KHDRBS3: variants seen among roughly 807,000 people sequenced by gnomAD.
KHDRBS3 encodes the protein KH RNA binding domain containing, signal transduction associated 3, also known as KH domain-containing, RNA-binding, signal transduction-associated protein 3.
In KHDRBS3, 23 loss-of-function variants were observed where a neutral mutation model predicts 45.6. That is an observed-to-expected ratio of 0.50 (90% confidence interval 0.36 to 0.72). The LOEUF (loss-of-function observed/expected upper bound fraction) is 0.72, where lower values mean the gene tolerates loss of function less well. KHDRBS3 is among the 30% of genes least tolerant of loss of function. The pLI is 0.00. For missense variants in KHDRBS3, 352 were observed against 424.8 expected (o/e 0.83, Z 1.51); for synonymous variants, 162 against 156.5 (o/e 1.04, Z -0.26).
chr8:135,628,770 T>A (rs1023189722), intron 7 of KHDRBS3, among the ~76,000 whole-genome samples: 5 of 152,200 alleles, frequency 3.3e-5, no homozygotes, highest in Non-Finnish European at 5.9e-5. Context: ...TCTGTCTTCC[T>A]GAGTTTTCTT....
At chr8:135,577,723 T>C (rs551619340) in intron 5 of KHDRBS3, among the ~76,000 whole-genome samples, 129 of 152,300 alleles carry the variant, frequency 8.5e-4, no homozygotes, top group African/African-American at 2.9e-3. Flanking sequence ...AGTTTTTATG[T>C]AGGCATACAT....
At chr8:135,542,536 C>G (rs1376505333) in intron 2 of KHDRBS3, 118 bp from the exon 3 acceptor site, 2 of 673,052 alleles carry the variant, frequency 3.0e-6, no homozygotes, top group South Asian at 1.9e-5. Flanking sequence ...GTAGCAGGAG[C>G]TTAAATATTT....
intron 7 of KHDRBS3, among the ~76,000 whole-genome samples, chr8:135,619,482 G>A (rs562491964): frequency 2.6e-5 from 4 of 152,070 alleles, no homozygotes; most frequent in Non-Finnish European, 1.5e-5. Flanking sequence ...CTCAATTAAG[G>A]CTGCATAAAG....
chr8:135,617,659 G>A (rs942359806), intron 7 of KHDRBS3, among the ~76,000 whole-genome samples: 3 of 152,176 alleles, frequency 2.0e-5, no homozygotes, highest in African/African-American at 7.2e-5. Context: ...CTCATGGAGA[G>A]TGAGTGCTAG....
At chr8:135,564,320 T>C (rs180997769) in intron 5 of KHDRBS3, among the ~76,000 whole-genome samples, 41 of 152,334 alleles carry the variant, frequency 2.7e-4, no homozygotes, top group Non-Finnish European at 1.5e-5. Flanking sequence ...TCTGATCCCA[T>C]GGTTTGAGAA....
intron 1 of KHDRBS3, among the ~76,000 whole-genome samples, chr8:135,473,002 C>T (rs1563702494): frequency 6.6e-6 from 1 of 150,906 alleles, no homozygotes; most frequent in African/African-American, 2.4e-5. Flanking sequence ...TTACTGAATT[C>T]TGTAAATTAC....
intron 7 of KHDRBS3, among the ~76,000 whole-genome samples, chr8:135,644,101 G>A (rs1045496401): frequency 6.6e-6 from 1 of 152,168 alleles, no homozygotes; most frequent in African/African-American, 2.4e-5. Flanking sequence ...GCCTGAGAGG[G>A]TACATGGAAA....
chr8:135,603,178 G>A (rs77882783), intron 6 of KHDRBS3, among the ~76,000 whole-genome samples: 8,710 of 152,218 alleles, frequency 0.057, 320 homozygotes, highest in African/African-American at 0.1. Context: ...AATTATAGTT[G>A]TCTCTTTAGT....
At chr8:135,546,877 CTG>C (rs1826331264) in intron 3 of KHDRBS3, among the ~76,000 whole-genome samples, 1 of 152,148 alleles carries the variant, frequency 6.6e-6, no homozygotes, top group South Asian at 2.1e-4. Context: ...ACTCCCCTCT[CTG>C]TGGGATTGTA....
chr8:135,575,894 TC>T (rs1482963678), intron 5 of KHDRBS3, among the ~76,000 whole-genome samples: 2 of 152,220 alleles, frequency 1.3e-5, no homozygotes. Flanking sequence ...TTACCTAGTG[TC>T]CTTTTTCTGT....
chr8:135,479,698 A>T (rs1822467874), intron 1 of KHDRBS3, among the ~76,000 whole-genome samples: 1 of 152,212 alleles, frequency 6.6e-6, no homozygotes, highest in East Asian at 1.9e-4. Context: ...TTCTGACTTA[A>T]TCACCTCTGA....
At chr8:135,604,726 T>C (rs1319405766) in intron 6 of KHDRBS3, among the ~76,000 whole-genome samples, 2 of 151,962 alleles carry the variant, frequency 1.3e-5, no homozygotes, top group Non-Finnish European at 2.9e-5. Context: ...TAATTATTTC[T>C]TTGTGTATTT....
At chr8:135,644,288 C>T (rs749032443) in intron 7 of KHDRBS3, among the ~76,000 whole-genome samples, 1 of 152,132 alleles carries the variant, frequency 6.6e-6, no homozygotes, top group Non-Finnish European at 1.5e-5. Context: ...GCTCTTTCCT[C>T]GTGCTCTCTC....
At chr8:135,531,443 C>A (rs925727618) in intron 2 of KHDRBS3, among the ~76,000 whole-genome samples, 2 of 151,726 alleles carry the variant, frequency 1.3e-5, no homozygotes, top group Non-Finnish European at 2.9e-5. Context: ...CAATAAAAAC[C>A]TTATTGAATA....
downstream of KHDRBS3, among the ~76,000 whole-genome samples, chr8:135,648,900 C>A (rs1831373599): frequency 6.6e-6 from 1 of 151,908 alleles, no homozygotes; most frequent in Non-Finnish European, 1.5e-5. Context: ...AAAAAAAATT[C>A]CAGATTATTC....
At chr8:135,619,414 A>AG (rs752983149) in intron 7 of KHDRBS3, among the ~76,000 whole-genome samples, 2 of 143,352 alleles carry the variant, frequency 1.4e-5, no homozygotes, top group Non-Finnish European at 3.2e-5. Flanking sequence ...TCTTACATAG[A>AG]GGAAAAAAAA....
intron 7 of KHDRBS3, among the ~76,000 whole-genome samples, chr8:135,617,681 G>A (rs1829975540): frequency 6.6e-6 from 1 of 152,196 alleles, no homozygotes; most frequent in African/African-American, 2.4e-5. Context: ...GCTGGCATGT[G>A]AACCCAGGCA....
intron 4 of KHDRBS3, among the ~76,000 whole-genome samples, chr8:135,553,387 T>C (rs1826712446): frequency 6.6e-6 from 1 of 152,144 alleles, no homozygotes; most frequent in Non-Finnish European, 1.5e-5. Context: ...CCCTTAGCTG[T>C]ACCAGAAGTC....
At chr8:135,602,143 T>C (rs1420365138) in intron 6 of KHDRBS3, among the ~76,000 whole-genome samples, 1 of 152,180 alleles carries the variant, frequency 6.6e-6, no homozygotes, top group East Asian at 1.9e-4. Flanking sequence ...CCTCATCCCC[T>C]ACCTTGTGAT....
Sources: gnomAD v4.1 joint callset for allele counts (sites outside exome capture counted in the v4.1 genomes callset) on GRCh38, gnomAD v4.1.1 for gene constraint, MANE v1.5 for transcripts, NCBI Gene and HGNC (gene_info 2026-07-23, HGNC 2026-07-21) for gene names.